CCBE1: variants seen among roughly 807,000 people sequenced by gnomAD.
The protein encoded by CCBE1 is collagen and calcium binding EGF domains 1.
In CCBE1, 37 loss-of-function variants were observed where a neutral mutation model predicts 50.0. The ratio of observed to expected loss-of-function variants is 0.74; its 90% CI spans 0.57 to 0.97. The LOEUF is 0.97. Ranked by LOEUF, CCBE1 falls within the 50% of genes least tolerant of loss-of-function variation. CCBE1 has a pLI of 0.00. For missense variants in CCBE1, 538 were observed against 523.8 expected (o/e 1.03, Z -0.26); for synonymous variants, 234 against 203.7 (o/e 1.15, Z -1.27).
chr18:59,596,393 C>G (rs73961274), intron 2 of CCBE1, among the ~76,000 whole-genome samples: 1 of 152,018 alleles, frequency 6.6e-6, no homozygotes, highest in Admixed American at 6.5e-5. Context: ...GAAGGTGTCA[C>G]GGGACTGTAA....
intron 2 of CCBE1, among the ~76,000 whole-genome samples, chr18:59,482,865 C>A (rs570382594): frequency 2.0e-5 from 3 of 151,840 alleles, no homozygotes; most frequent in South Asian, 4.2e-4. Context: ...GATATTTTGA[C>A]TATAAAGGTT....
At chr18:59,695,183 C>T (rs996844171) in intron 2 of CCBE1, among the ~76,000 whole-genome samples, 2 of 152,214 alleles carry the variant, frequency 1.3e-5, no homozygotes, top group African/African-American at 4.8e-5. Context: ...ATCTCAGAGA[C>T]ATTTCCCATG....
intron 2 of CCBE1, among the ~76,000 whole-genome samples, chr18:59,577,980 G>C (rs542223702): frequency 1.0e-3 from 159 of 152,296 alleles, no homozygotes; most frequent in African/African-American, 3.8e-3. Context: ...TTAAACTAAA[G>C]AGCTTCTGCA....
chr18:59,464,316 T>C (rs534279970), intron 5 of CCBE1, among the ~76,000 whole-genome samples: 1 of 152,200 alleles, frequency 6.6e-6, no homozygotes, highest in Non-Finnish European at 1.5e-5. Context: ...TAATCCCAGA[T>C]ACTTGGGAGG....
At chr18:59,493,382 CCTT>C (rs1314486826) in intron 2 of CCBE1, among the ~76,000 whole-genome samples, 1 of 152,086 alleles carries the variant, frequency 6.6e-6, no homozygotes, top group Non-Finnish European at 1.5e-5. Flanking sequence ...AGAGGAGGAA[CCTT>C]CTATTTGTTT....
At chr18:59,505,750 A>G (rs1482860080) in intron 2 of CCBE1, among the ~76,000 whole-genome samples, 1 of 152,208 alleles carries the variant, frequency 6.6e-6, no homozygotes, top group African/African-American at 2.4e-5. Context: ...TTTAGGGCTC[A>G]TTTTCCTGGC....
intron 2 of CCBE1, among the ~76,000 whole-genome samples, chr18:59,542,190 T>A (rs1305319271): frequency 1.3e-4 from 13 of 102,062 alleles, no homozygotes; most frequent in South Asian, 5.6e-4. Context: ...AAAAAAAAAA[T>A]TCCCTACAAT....
intron 2 of CCBE1, among the ~76,000 whole-genome samples, chr18:59,590,839 T>C (rs369889065): frequency 1.6e-4 from 24 of 152,204 alleles, no homozygotes; most frequent in African/African-American, 5.8e-4. Flanking sequence ...AGATACAGAC[T>C]TCACTCCATA....
intron 2 of CCBE1, among the ~76,000 whole-genome samples, chr18:59,610,350 G>T (rs1348697836): frequency 6.6e-6 from 1 of 152,104 alleles, no homozygotes; most frequent in Admixed American, 6.5e-5. Flanking sequence ...TAACGTCCAA[G>T]AATGGATTTT....
intron 2 of CCBE1, among the ~76,000 whole-genome samples, chr18:59,662,386 C>T (rs529875483): frequency 1.4e-4 from 21 of 152,284 alleles, no homozygotes; most frequent in Admixed American, 5.2e-4. Context: ...AAATTTACAA[C>T]GTATATTACA....
chr18:59,632,874 G>T (rs1568244266), intron 2 of CCBE1, among the ~76,000 whole-genome samples: 1 of 152,154 alleles, frequency 6.6e-6, no homozygotes, highest in Non-Finnish European at 1.5e-5. Context: ...CTCTCAAAGT[G>T]CTGGGATTAC....
rs376276529 is a variant in CCBE1, at chr18:59,473,366, G to C, written c.266-3759C>G. ...GATTCAAACTCTTGAGCTTTTGTAT[G>C]AATCACATCTTTTTTCCTCCCTAAA... On this transcript the variant is annotated intron_variant, in intron 3 of 10. Coordinates refer to ENST00000439986, the MANE Select transcript of CCBE1 (RefSeq NM_133459.4). 2.0e-5 allele frequency among the ~76,000 whole-genome samples: 3 copies of C among 152,166 alleles called. No individual in the cohort carries two copies. The East Asian group carries it at 5.8e-4, about 29-fold the overall frequency.
chr18:59,663,662 A>C (rs1023028584), intron 2 of CCBE1, among the ~76,000 whole-genome samples: 1 of 152,100 alleles, frequency 6.6e-6, no homozygotes, highest in Non-Finnish European at 1.5e-5. Flanking sequence ...TTTCAGCAAC[A>C]TGAGAGTCAG....
chr18:59,642,187 T>C (rs1036443392), intron 2 of CCBE1, among the ~76,000 whole-genome samples: 10 of 151,986 alleles, frequency 6.6e-5, no homozygotes, highest in Non-Finnish European at 1.5e-4. Flanking sequence ...GATAGAGAAA[T>C]AGGTAAAAGG....
chr18:59,496,336 A>G (rs1913353876), intron 2 of CCBE1, among the ~76,000 whole-genome samples: 1 of 152,206 alleles, frequency 6.6e-6, no homozygotes, highest in Non-Finnish European at 1.5e-5. Flanking sequence ...CACATGCTCA[A>G]CATGTTTTTC....
At chr18:59,652,426 G>C (rs182848545) in intron 2 of CCBE1, among the ~76,000 whole-genome samples, 92 of 152,022 alleles carry the variant, frequency 6.1e-4, no homozygotes, top group African/African-American at 2.1e-3. Flanking sequence ...AATTCCTCCA[G>C]TTCCTTCGGC....
rs3114277 is a variant in CCBE1, at chr18:59,693,685, T to G, written c.212+2944A>C. On this transcript the variant is annotated intron_variant, in intron 2 of 10. Coordinates refer to ENST00000439986, the MANE Select transcript of CCBE1 (RefSeq NM_133459.4). Reference sequence around the variant, plus strand: ...AAGTCTGCAAACTGAGACCAGAGATTGTATTTTATCGTTTTATACTCAAAC... The same window carrying G: ...AAGTCTGCAAACTGAGACCAGAGATGGTATTTTATCGTTTTATACTCAAAC... Among the ~76,000 whole-genome samples the G allele has an allele frequency of 1.6e-3, 249 of 152,246 alleles. 2 individuals carry two copies. The highest frequency in any genetic ancestry group is 5.8e-3 in the African/African-American group (240 of 41,546).
At chr18:59,671,313 G>C (rs185778063) in intron 2 of CCBE1, among the ~76,000 whole-genome samples, 2 of 151,968 alleles carry the variant, frequency 1.3e-5, no homozygotes, top group African/African-American at 2.4e-5. Context: ...ACCAGCCTGG[G>C]CAACAGGGCA....
At chr18:59,692,774 G>A (rs929860839) in intron 2 of CCBE1, among the ~76,000 whole-genome samples, 1 of 152,116 alleles carries the variant, frequency 6.6e-6, no homozygotes. Flanking sequence ...CCCTAAGCAA[G>A]AACACTGCCT....
Sources: allele counts gnomAD v4.1 joint callset (sites outside exome capture counted in the v4.1 genomes callset), GRCh38; gene constraint gnomAD v4.1.1; transcripts MANE v1.5; gene names NCBI Gene and HGNC (gene_info 2026-07-23, HGNC 2026-07-21).